Variants in FN3K observed in about 807,000 individuals in gnomAD.
FN3K encodes the protein fructosamine-3-kinase.
A neutral mutation model predicts 24.8 loss-of-function variants in FN3K; 24 were observed. The ratio of observed to expected loss-of-function variants is 0.97; its 90% CI spans 0.70 to 1.36. The LOEUF is 1.36. Ranked by LOEUF, FN3K falls within the 40% of genes most tolerant of loss-of-function variation. The probability of loss-of-function intolerance (pLI) is 0.00; values close to 1 mark genes in which losing one functional copy is unlikely to be tolerated. For synonymous variants in FN3K, 192 were observed against 175.2 expected (o/e 1.10, Z -0.76); for missense variants, 449 against 416.7 (o/e 1.08, Z -0.67).
Position 82,748,763 on chromosome 17 carries a change from G to T in FN3K, c.469-92G>T, listed in dbSNP as rs2046982952. On this transcript the variant is annotated intron_variant, in intron 4 of 5. Transcript: ENST00000300784. ...CTTACCTCCTTTGTTGGCTTACTAG[G>T]TATCTTTGCTGGGTTTTGAATGGTC... is the stretch of plus-strand genomic sequence containing the variant. 3 of 1,587,662 alleles carry T rather than the reference G, an allele frequency of 1.9e-6. No individual in the cohort carries two copies. In the Admixed American group the frequency reaches 5.0e-5, roughly 26 times the overall value.
chr17:82,748,226 GC>G (rs2046979624), intron 4 of FN3K, among the ~76,000 whole-genome samples: 1 of 149,634 alleles, frequency 6.7e-6, no homozygotes. Flanking sequence ...TCGGCTCACT[GC>G]ACCCTTTGCC....
rs754939512 is a variant in FN3K, at chr17:82,735,695, C to T, written c.59C>T (p.Pro20Leu). The change falls in exon 1 of 6, where the codon CCC becomes CTC. Residue 20 changes from proline (P) to leucine (L), a missense_variant. By Grantham distance (98) the Pro-to-Leu change is moderately conservative. Coordinates refer to ENST00000300784, the MANE Select transcript of FN3K (RefSeq NM_022158.4). ...GCGACCCTGCGGGCCTTCGGCGGCC[C>T]CGGCGCCGGCTGCATCAGCGAGGGC... is the stretch of plus-strand genomic sequence containing the variant. ...RTATLRAFGG[P>L]GAGCISEGRA... is the part of the protein sequence containing the mutation. 19 of 1,544,232 alleles carry T rather than the reference C, an allele frequency of 1.2e-5. No individual in the cohort carries two copies. Among genetic ancestry groups the T allele is most frequent in the Admixed American group, 2.0e-5 (1 of 50,980 alleles).
chr17:82,741,837 T>G (rs1315128737), intron 4 of FN3K, among the ~76,000 whole-genome samples: 1 of 152,240 alleles, frequency 6.6e-6, no homozygotes, highest in Non-Finnish European at 1.5e-5. Flanking sequence ...AATTAATTGG[T>G]TTTTAGTACA....
chr17:82,736,676 G>T (rs910733538), intron 1 of FN3K, among the ~76,000 whole-genome samples: 4 of 152,202 alleles, frequency 2.6e-5, no homozygotes, highest in Admixed American at 2.6e-4. Context: ...ACACTCTGGT[G>T]GGGGAGCTCT....
Position 82,748,860 on chromosome 17 carries a change from T to C in FN3K, c.474T>C (p.Asn158=), listed in dbSNP as rs561254330. Residue 158 remains asparagine, a synonymous_variant, in exon 5 of 6, where the codon AAT becomes AAC. Coordinates refer to ENST00000300784, the MANE Select transcript of FN3K (RefSeq NM_022158.4). ...VTCCGFIPQV[N]EWQDDWPTFF... ...TCTTTTCCCTTGTTGTCCAGGTGAA[T>C]GAGTGGCAGGATGACTGGCCGACCT... 6.2e-7 allele frequency: 1 copy of C among 1,612,246 alleles called. No homozygotes were observed. Among genetic ancestry groups the C allele is most frequent in the South Asian group, 1.1e-5 (1 of 91,012 alleles).
intron 1 of FN3K, chr17:82,735,992 C>T (rs2046898264): frequency 1.7e-6 from 1 of 605,130 alleles, no homozygotes; most frequent in Non-Finnish European, 2.8e-6. Flanking sequence ...CCATGCGCAG[C>T]GCACAGGCTT....
At chr17:82,738,462 G>T (rs537860580) in intron 1 of FN3K, 27 bp from the exon 2 acceptor site, 3 of 1,611,614 alleles carry the variant, frequency 1.9e-6, no homozygotes, top group South Asian at 2.2e-5. Flanking sequence ...AGTCAACAAG[G>T]CTGACAAGGC....
At chr17:82,742,388 C>A (rs1270239507) in intron 4 of FN3K, among the ~76,000 whole-genome samples, 1 of 152,190 alleles carries the variant, frequency 6.6e-6, no homozygotes, top group African/African-American at 2.4e-5. Flanking sequence ...AGTCACTCCC[C>A]ATTTCCCCCT....
Position 82,741,293 on chromosome 17 carries a change from A to G in FN3K, c.386-18A>G, listed in dbSNP as rs373755806. ...GAAAGACAAACAGCTCCTTCAGGCC[A>G]AGGATCTCTGTCAACAGGCCGAAGA... On this transcript the variant is annotated intron_variant, in intron 3 of 5. Transcript: ENST00000300784. The G allele has an allele frequency of 3.1e-6, 5 of 1,612,024 alleles. No individual in the cohort carries two copies. Among genetic ancestry groups the G allele is most frequent in the Non-Finnish European group, 4.2e-6 (5 of 1,178,922 alleles).
rs183064264 is a variant in FN3K, at chr17:82,735,909, C to T, written c.141+132C>T. ...CAGCTTTGGCCCTTGGGAGGTGGCA[C>T]CTGCTGGGTGAGCCCGGCTCAAGCG... is the stretch of plus-strand genomic sequence containing the variant. On this transcript the variant is annotated intron_variant, in intron 1 of 5. Coordinates refer to ENST00000300784, the MANE Select transcript of FN3K (RefSeq NM_022158.4). 7.6e-4 allele frequency: 925 copies of T among 1,219,094 alleles called. 11 individuals are homozygous for T. The African/African-American group carries it at 0.013, about 17-fold the overall frequency. The allele number at this position is 1,219,094 out of a possible 1,614,324, so 75.5% of individuals were successfully genotyped here. A position where few individuals can be genotyped will look rare whatever the true frequency, so the allele number is the denominator to read the frequency against.
chr17:82,741,541 G>T lies in FN3K; in HGVS notation c.468+148G>T. 9.5e-6 allele frequency: 7 copies of T among 734,348 alleles called. No individual in the cohort carries two copies. The South Asian group carries it at 1.1e-4, about 12-fold the overall frequency. 45.5% of individuals were successfully genotyped at this position (734,348 alleles called of 1,614,324 possible). ...TAGAAGCTGTGATACCTGGAATGGG[G>T]AGAGCAGACGCTGAGGGTCACTGAG... On this transcript the variant is annotated intron_variant, in intron 4 of 5. Transcript: ENST00000300784.
In FN3K at chr17:82,735,626, C is replaced by A. The variant is rs777065071; in HGVS notation, c.-11C>A. 5 of 1,519,598 alleles carry A rather than the reference C, an allele frequency of 3.3e-6. No homozygotes were observed. The highest frequency in any genetic ancestry group is 2.9e-5 in the African/African-American group (2 of 69,596). The allele number at this position is 1,519,598 out of a possible 1,614,324, so 94.1% of individuals were successfully genotyped here. On this transcript the variant is annotated 5_prime_UTR_variant, in exon 1 of 6. Transcript: ENST00000300784. ...GCTTCCGAGCGAGCAGAGTCCCGCG[C>A]CCCGCACTCCATGGAGCAGCTGCTG...
chr17:82,746,747 G>C (rs1390805096), intron 4 of FN3K, among the ~76,000 whole-genome samples: 2 of 152,158 alleles, frequency 1.3e-5, no homozygotes, highest in Non-Finnish European at 2.9e-5. Context: ...GGAGGTTGCA[G>C]TGAGCTGAGA....
At chr17:82,746,302 A>G (rs1180902269) in intron 4 of FN3K, among the ~76,000 whole-genome samples, 2 of 152,066 alleles carry the variant, frequency 1.3e-5, no homozygotes, top group Non-Finnish European at 2.9e-5. Flanking sequence ...GAAGATGTGG[A>G]GCATCTATTC....
At chr17:82,739,678 C>T (rs1340796783) in intron 2 of FN3K, among the ~76,000 whole-genome samples, 7 of 151,880 alleles carry the variant, frequency 4.6e-5, no homozygotes, top group Non-Finnish European at 7.4e-5. Flanking sequence ...AGGATGGTCT[C>T]GATCTGCTGA....
chr17:82,746,109 A>AC (rs1316901581), intron 4 of FN3K, among the ~76,000 whole-genome samples: 1 of 151,400 alleles, frequency 6.6e-6, no homozygotes, highest in Non-Finnish European at 1.5e-5. Context: ...AAAAAAAAAA[A>AC]AAACTACCAA....
chr17:82,744,930 CT>C (rs1170131803), intron 4 of FN3K: 1 of 152,264 alleles, frequency 6.6e-6, no homozygotes, highest in Non-Finnish European at 1.5e-5. Context: ...CGGTTTTTCC[CT>C]ATCTCAGTAG....
chr17:82,744,211 A>G (rs979338590), intron 4 of FN3K, among the ~76,000 whole-genome samples: 19 of 152,186 alleles, frequency 1.2e-4, no homozygotes, highest in Non-Finnish European at 2.6e-4. Flanking sequence ...GGTGGGGGCC[A>G]CTGACCAGGG....
intron 4 of FN3K, among the ~76,000 whole-genome samples, chr17:82,744,818 G>A (rs2046959363): frequency 6.6e-6 from 1 of 152,178 alleles, no homozygotes. Flanking sequence ...CATAGACAAG[G>A]TAAAGAATCA....
Sources: allele counts gnomAD v4.1 joint callset (sites outside exome capture counted in the v4.1 genomes callset), GRCh38; gene constraint gnomAD v4.1.1; transcripts MANE v1.5; gene names NCBI Gene and HGNC (gene_info 2026-07-23, HGNC 2026-07-21).